CACNG5: variants seen among roughly 807,000 people sequenced by gnomAD.
The protein encoded by CACNG5 is calcium voltage-gated channel auxiliary subunit gamma 5.
Under a neutral mutation model 24.8 loss-of-function variants are expected in CACNG5, and 18 were observed. The observed-to-expected ratio is 0.73, with a 90% CI of 0.50 to 1.08. The LOEUF is 1.08. Ranked by LOEUF, CACNG5 falls within the 50% of genes least tolerant of loss-of-function variation. CACNG5 has a pLI of 0.00. For synonymous variants in CACNG5, 157 were observed against 149.1 expected (o/e 1.05, Z -0.39); for missense variants, 349 against 367.9 (o/e 0.95, Z 0.42).
At chr17:66,868,792 C>G (rs1976964045) in intron 1 of CACNG5, among the ~76,000 whole-genome samples, 1 of 152,162 alleles carries the variant, frequency 6.6e-6, no homozygotes, top group Non-Finnish European at 1.5e-5. Context: ...CTGTGCCCAC[C>G]ATGAAGACAC....
rs1396080308 is a variant in CACNG5 at position 66,889,908 on chromosome 17, G to T, written c.*4668G>T. On this transcript the variant is annotated 3_prime_UTR_variant, in exon 6 of 6. Transcript: ENST00000533854. The stretch of plus-strand genomic sequence containing the variant: ...ACACTGACATGTAAAACTAACCATT[G>T]TAAGTGGAGAAAGGACAGCGGAGGC... Among the ~76,000 whole-genome samples the T allele has an allele frequency of 1.3e-5, 2 of 152,222 alleles. No homozygotes were observed. Among genetic ancestry groups the T allele is most frequent in the East Asian group, 3.9e-4 (2 of 5,194 alleles).
chr17:66,836,512 C>G (rs1247739862), intron 1 of CACNG5, among the ~76,000 whole-genome samples: 2 of 152,178 alleles, frequency 1.3e-5, no homozygotes, highest in African/African-American at 2.4e-5. Context: ...GTTGGTGGCA[C>G]CTCTTTGCAG....
At chr17:66,855,514 A>G (rs2143058080) in intron 1 of CACNG5, among the ~76,000 whole-genome samples, 1 of 152,320 alleles carries the variant, frequency 6.6e-6, no homozygotes, top group African/African-American at 2.4e-5. Context: ...TCATTAAATT[A>G]AAAAGTTGTG....
chr17:66,843,586 T>A (rs1976595150), intron 1 of CACNG5, among the ~76,000 whole-genome samples: 1 of 151,704 alleles, frequency 6.6e-6, no homozygotes, highest in Admixed American at 6.6e-5. Flanking sequence ...TGATGGGGAG[T>A]TTCCCATCTT....
intron 4 of CACNG5, among the ~76,000 whole-genome samples, chr17:66,881,812 T>TG (rs1168517532): frequency 8.7e-6 from 1 of 114,446 alleles, no homozygotes; most frequent in Non-Finnish European, 1.8e-5. Context: ...AGGTTGGGGG[T>TG]GGGGGTGGAA....
Position 66,848,977 on chromosome 17 carries a change from A to G in CACNG5, c.-104+13727A>G, listed in dbSNP as rs185735673. Among the ~76,000 whole-genome samples, 288 of 151,988 alleles carry G rather than the reference A, an allele frequency of 1.9e-3. 5 individuals carry two copies. The highest frequency in any genetic ancestry group is 6.2e-3 in the African/African-American group (256 of 41,456). On this transcript the variant is annotated intron_variant, in intron 1 of 5. Coordinates refer to ENST00000533854, the MANE Select transcript of CACNG5 (RefSeq NM_145811.3). ...TGAACTTTGTGCTTTCTGGAGTGCA[A>G]TCAGATGAATAGGCTGCCGCCGTGT...
chr17:66,880,478 C>G (rs1977142510), intron 3 of CACNG5, 79 bp from the exon 4 acceptor site: 2 of 1,574,868 alleles, frequency 1.3e-6, no homozygotes, highest in African/African-American at 1.3e-5. Flanking sequence ...TAGACACTGC[C>G]AGGAACACTC....
At chr17:66,856,400 T>A (rs1976776277) in intron 1 of CACNG5, among the ~76,000 whole-genome samples, 1 of 152,168 alleles carries the variant, frequency 6.6e-6, no homozygotes, top group Non-Finnish European at 1.5e-5. Context: ...CTCAATGTAG[T>A]TTTTTACCCA....
intron 1 of CACNG5, among the ~76,000 whole-genome samples, chr17:66,841,668 A>G (rs1976570375): frequency 6.6e-6 from 1 of 152,202 alleles, no homozygotes; most frequent in Non-Finnish European, 1.5e-5. Flanking sequence ...CAGGATGGGC[A>G]ACAGGAGACC....
Position 66,888,755 on chromosome 17 carries a change from T to C in CACNG5, c.*3515T>C, listed in dbSNP as rs369571280. ...TGTGTGGGAGAAGTTTATGGCAGGG[T>C]TGGAAAGTCTCTGGTCAGAGAAGAG... On this transcript the variant is annotated 3_prime_UTR_variant, in exon 6 of 6. Transcript: ENST00000533854. Among the ~76,000 whole-genome samples the C allele has an allele frequency of 6.6e-6, 1 of 151,452 alleles. No individual in the cohort carries two copies. Among genetic ancestry groups the C allele is most frequent in the Non-Finnish European group, 1.5e-5 (1 of 67,710 alleles).
In CACNG5 at chr17:66,887,127, G is replaced by C. The variant is rs1404622843; in HGVS notation, c.*1887G>C. Among the ~76,000 whole-genome samples, 1 of 152,206 alleles carries C rather than the reference G, an allele frequency of 6.6e-6. No homozygotes were observed. The highest frequency in any genetic ancestry group is 2.4e-5 in the African/African-American group (1 of 41,450). ...ATGAATTTAGGGAAGACAGAGTTTA[G>C]CCCATGACAGGTATTTTGTTGCTGG... is the stretch of plus-strand genomic sequence containing the variant. On this transcript the variant is annotated 3_prime_UTR_variant, in exon 6 of 6. Coordinates refer to ENST00000533854, the MANE Select transcript of CACNG5 (RefSeq NM_145811.3).
At position 66,894,169 on chromosome 17, in the gene CACNG5, A is replaced by G. The variant is rs764604365; in HGVS notation, c.*8929A>G. Among the ~76,000 whole-genome samples the G allele has an allele frequency of 1.3e-4, 20 of 151,992 alleles. No homozygotes were observed. The highest frequency in any genetic ancestry group is 1.0e-3 in the Admixed American group (16 of 15,262). Reference sequence around the variant, plus strand: ...AGGAACCCATCAATTGCACCTCCTCACTCATGTCCTTCCAGGTGTGGGGAC... The same window carrying G: ...AGGAACCCATCAATTGCACCTCCTCGCTCATGTCCTTCCAGGTGTGGGGAC... On this transcript the variant is annotated 3_prime_UTR_variant, in exon 6 of 6. Coordinates refer to ENST00000533854, the MANE Select transcript of CACNG5 (RefSeq NM_145811.3).
In CACNG5 at chr17:66,889,598, A is replaced by G. The variant is rs1348218846; in HGVS notation, c.*4358A>G. On this transcript the variant is annotated 3_prime_UTR_variant, in exon 6 of 6. Coordinates refer to ENST00000533854, the MANE Select transcript of CACNG5 (RefSeq NM_145811.3). ...AAGTTGTGGAGACTTGGTGAGTACA[A>G]CCAAAATCTGATGGCAGAGGCTGGT... Among the ~76,000 whole-genome samples, 1 of 152,204 alleles carries G rather than the reference A, an allele frequency of 6.6e-6. No individual in the cohort carries two copies. Among genetic ancestry groups the G allele is most frequent in the Non-Finnish European group, 1.5e-5 (1 of 68,034 alleles).
At chr17:66,879,202 T>G in intron 3 of CACNG5, 144 bp downstream of exon 3, 1 of 569,492 alleles carries the variant, frequency 1.8e-6, no homozygotes, top group Non-Finnish European at 3.1e-6. Flanking sequence ...TTAGAGATGA[T>G]CCACTAGAGC....
chr17:66,873,186 A>G (rs2143102744), intron 1 of CACNG5, among the ~76,000 whole-genome samples: 1 of 152,314 alleles, frequency 6.6e-6, no homozygotes, highest in African/African-American at 2.4e-5. Context: ...GATTTTGCAC[A>G]GTGCCTGGGA....
intron 4 of CACNG5, 87 bp downstream of exon 4, chr17:66,880,784 C>G (rs749258470): frequency 6.8e-7 from 1 of 1,464,440 alleles, no homozygotes; most frequent in Non-Finnish European, 9.4e-7. Flanking sequence ...CTCTGGCACC[C>G]ACGCTGGAGT....
chr17:66,860,136 A>G (rs1369174339), intron 1 of CACNG5, among the ~76,000 whole-genome samples: 2 of 152,192 alleles, frequency 1.3e-5, no homozygotes, highest in East Asian at 1.9e-4. Context: ...TTACCTATGC[A>G]ACCCCACGAG....
rs750710384 is a variant in CACNG5, at chr17:66,877,486, A to T, written c.154A>T (p.Met52Leu). Residue 52 changes from methionine to leucine, a missense_variant, in exon 2 of 6, where the codon ATG becomes TTG. Transcript: ENST00000533854. ...VPQNQSTEIK[M>L]SLHSGLWRVC... ...CCAGAACCAGAGCACCGAGATCAAG[A>T]TGTCCCTGCACTCAGGCCTCTGGCG... 5.0e-6 allele frequency: 8 copies of T among 1,613,796 alleles called. No homozygotes were observed. In the African/African-American group the frequency reaches 1.1e-4, roughly 22 times the overall value.
In CACNG5 at chr17:66,888,482, T is replaced by C. The variant is rs1267078449; in HGVS notation, c.*3242T>C. Among the ~76,000 whole-genome samples the C allele has an allele frequency of 7.1e-6, 1 of 140,828 alleles. No homozygotes were observed. The highest frequency in any genetic ancestry group is 7.9e-5 in the Admixed American group (1 of 12,664). 92.4% of individuals were successfully genotyped at this position (140,828 alleles called of 152,430 possible). Reference sequence around the variant, plus strand: ...TGGCGTGAACCTGGGAGGCAGAGCTTGCAGTGAGCCGAGATCGCACCACTG... The same window carrying C: ...TGGCGTGAACCTGGGAGGCAGAGCTCGCAGTGAGCCGAGATCGCACCACTG... On this transcript the variant is annotated 3_prime_UTR_variant, in exon 6 of 6. Transcript: ENST00000533854.
Sources: allele counts gnomAD v4.1 joint callset (sites outside exome capture counted in the v4.1 genomes callset), GRCh38; gene constraint gnomAD v4.1.1; transcripts MANE v1.5; gene names NCBI Gene and HGNC (gene_info 2026-07-23, HGNC 2026-07-21).